Variants in POF1B observed in about 807,000 individuals in gnomAD.
POF1B encodes the protein protein POF1B.
A neutral mutation model predicts 55.3 loss-of-function variants in POF1B; 53 were observed. That is an observed-to-expected ratio of 0.96 (90% CI 0.77 to 1.20). POF1B has a LOEUF of 1.20. Among genes scored for constraint, POF1B ranks in the 50% most tolerant of loss-of-function variants. The pLI, the probability that POF1B is intolerant of heterozygous loss-of-function variation, is 0.00. For synonymous variants in POF1B, 188 were observed against 148.3 expected (o/e 1.27, Z -1.95); for missense variants, 478 against 420.5 (o/e 1.14, Z -1.20).
intron 7 of POF1B, among the ~76,000 whole-genome samples, chrX:85,321,389 A>G (rs978612126): frequency 9.0e-6 from 1 of 110,673 alleles, no homozygotes; most frequent in Non-Finnish European, 1.9e-5. Context: ...ACAAAATTCA[A>G]CAACACTTCA....
At position 85,359,611 on chromosome X, in the gene POF1B, A is replaced by G; in HGVS notation, c.377T>C (p.Val126Ala). ...GGTCTGTGGATATGTAGTAAGTTTC[A>G]CTGTTGGAGAATGAAGTTCCTGTGA... is the stretch of plus-strand genomic sequence containing the variant. The part of the protein sequence containing the change: ...NTEQELHSPT[V>A]KLTTYPQTTI... The change falls in exon 4 of 17, where the codon GTG (valine) becomes GCG (alanine). Residue 126 changes from valine (V) to alanine (A), a missense_variant. Physicochemically the swap from Val to Ala is moderately conservative, Grantham distance 64. Transcript: ENST00000262753. 1.7e-6 allele frequency: 2 copies of G among 1,198,472 alleles called. No individual in the cohort carries two copies. Among genetic ancestry groups the G allele is most frequent in the Non-Finnish European group, 2.3e-6 (2 of 886,742 alleles).
chrX:85,297,510 T>C (rs780165237), intron 15 of POF1B, among the ~76,000 whole-genome samples: 131 of 112,420 alleles, frequency 1.2e-3, no homozygotes, highest in African/African-American at 4.1e-3. Context: ...GGATCTTTAT[T>C]TGTGGCTAGA....
At chrX:85,283,610 C>A (rs958834593) in intron 15 of POF1B, among the ~76,000 whole-genome samples, 1 of 110,296 alleles carries the variant, frequency 9.1e-6, no homozygotes, top group Non-Finnish European at 1.9e-5. Flanking sequence ...TAAAGTCCTG[C>A]AGGATTGGTG....
At chrX:85,307,076 A>G (rs1932589794) in intron 11 of POF1B, 87 bp downstream of exon 11, 2 of 734,801 alleles carry the variant, frequency 2.7e-6, no homozygotes, top group Non-Finnish European at 4.0e-6. Flanking sequence ...TTCTGTCTTG[A>G]TTATATCTCA....
rs1409294501 is a variant in POF1B, at chrX:85,367,734, T to G, written c.315A>C (p.Thr105=). The change falls in exon 3 of 17, where the codon ACA becomes ACC. Residue 105 remains threonine (T), a synonymous_variant. Transcript: ENST00000262753. ...ELHSPTLKIS[T]CAPSTLHITQ... is the part of the protein sequence containing the mutation. The stretch of plus-strand genomic sequence containing the variant: ...TTATATGTAGAGTACTTGGGGCACA[T>G]GTAGATATTTTTAAAGTTGGAGAAT... The G allele has an allele frequency of 3.4e-6, 4 of 1,162,663 alleles. No homozygotes were observed. The highest frequency in any genetic ancestry group is 3.5e-6 in the Non-Finnish European group (3 of 868,681).
At chrX:85,279,668 CCTT>C (rs1483258388) in intron 16 of POF1B, among the ~76,000 whole-genome samples, 1 of 110,624 alleles carries the variant, frequency 9.0e-6, no homozygotes, top group Non-Finnish European at 1.9e-5. Flanking sequence ...AAGTAGATTT[CCTT>C]CTTAGTAATA....
At chrX:85,343,124 C>T (rs1484185277) in intron 6 of POF1B, among the ~76,000 whole-genome samples, 1 of 109,655 alleles carries the variant, frequency 9.1e-6, no homozygotes, top group Non-Finnish European at 1.9e-5. Flanking sequence ...ACCATCATGG[C>T]ACGTGTATAC....
At chrX:85,290,465 T>C (rs1244898134) in intron 15 of POF1B, among the ~76,000 whole-genome samples, 1 of 111,529 alleles carries the variant, frequency 9.0e-6, no homozygotes, top group African/African-American at 3.3e-5. Flanking sequence ...ACTTTGGGTA[T>C]ATACCCAGAA....
intron 6 of POF1B, among the ~76,000 whole-genome samples, chrX:85,342,759 A>G (rs1933195801): frequency 9.0e-6 from 1 of 111,354 alleles, no homozygotes; most frequent in South Asian, 3.7e-4. Flanking sequence ...AGCCTAATCT[A>G]TGTCTGCGCA....
intron 2 of POF1B, among the ~76,000 whole-genome samples, chrX:85,371,255 T>A (rs920485080): frequency 2.7e-5 from 3 of 112,012 alleles, no homozygotes; most frequent in African/African-American, 9.7e-5. Context: ...GTTCTGTGAA[T>A]ATAAGAGACC....
intron 11 of POF1B, among the ~76,000 whole-genome samples, chrX:85,306,625 A>C (rs1932580955): frequency 9.0e-6 from 1 of 110,859 alleles, no homozygotes; most frequent in South Asian, 3.8e-4. Flanking sequence ...CCTGCTTTCT[A>C]GTAGGCACAG....
chrX:85,376,036 T>G (rs888309071), intron 2 of POF1B, among the ~76,000 whole-genome samples: 4 of 111,705 alleles, frequency 3.6e-5, no homozygotes, highest in Non-Finnish European at 7.5e-5. Flanking sequence ...GTCCTAAAAA[T>G]GAACTCTCCC....
chrX:85,341,837 G>A (rs1250777572), intron 6 of POF1B, among the ~76,000 whole-genome samples: 1 of 110,932 alleles, frequency 9.0e-6, no homozygotes, highest in Non-Finnish European at 1.9e-5. Flanking sequence ...GATGTTTTCT[G>A]TCAATTCATT....
chrX:85,340,105 G>A (rs1259569351), intron 6 of POF1B, among the ~76,000 whole-genome samples: 1 of 111,060 alleles, frequency 9.0e-6, no homozygotes, highest in East Asian at 2.9e-4. Context: ...AGCAGGGTGG[G>A]ATAGATAAGA....
intron 15 of POF1B, among the ~76,000 whole-genome samples, chrX:85,286,835 G>A (rs886874769): frequency 7.2e-5 from 8 of 110,958 alleles, no homozygotes; most frequent in African/African-American, 2.3e-4. Flanking sequence ...AATATATGAA[G>A]CAAATACTGA....
chrX:85,285,314 G>A (rs1328964134), intron 15 of POF1B, among the ~76,000 whole-genome samples: 1 of 111,074 alleles, frequency 9.0e-6, no homozygotes, highest in African/African-American at 3.3e-5. Flanking sequence ...TATACCCAAC[G>A]GATTATAAAT....
At chrX:85,357,337 G>A (rs1404420498) in intron 4 of POF1B, among the ~76,000 whole-genome samples, 2 of 110,475 alleles carry the variant, frequency 1.8e-5, no homozygotes. Flanking sequence ...CCTTATTACT[G>A]GTTCTTTCTA....
intron 2 of POF1B, among the ~76,000 whole-genome samples, chrX:85,375,302 A>T (rs1034584610): frequency 8.9e-6 from 1 of 111,952 alleles, no homozygotes; most frequent in Non-Finnish European, 1.9e-5. Flanking sequence ...TTGTTTTGTC[A>T]TGAATTGTCA....
chrX:85,302,949 C>T (rs1282068599), intron 15 of POF1B, among the ~76,000 whole-genome samples: 6 of 111,252 alleles, frequency 5.4e-5, no homozygotes, highest in African/African-American at 2.0e-4. Flanking sequence ...ATATTGCTAC[C>T]GTGAGGGTAG....
Sources: allele counts gnomAD v4.1 joint callset (sites outside exome capture counted in the v4.1 genomes callset), GRCh38; gene constraint gnomAD v4.1.1; transcripts MANE v1.5; gene names NCBI Gene and HGNC (gene_info 2026-07-23, HGNC 2026-07-21).